The following MEPE variants were observed in gnomAD, a reference collection of about 807,000 sequenced individuals.
MEPE encodes the protein matrix, extracellular phosphoglycoprotein with ASARM motif (bone).
MEPE carries 7 observed loss-of-function variants against 7.3 expected under a neutral mutation model. The observed-to-expected ratio is 0.95, with a 90% CI of 0.54 to 1.79. MEPE has a LOEUF of 1.79. Among genes scored for constraint, MEPE ranks in the 40% most tolerant of loss-of-function variants. The pLI is 0.00. For missense variants in MEPE, 623 were observed against 628.2 expected (o/e 0.99, Z 0.09); for synonymous variants, 214 against 213.1 (o/e 1.00, Z -0.04).
upstream of MEPE, among the ~76,000 whole-genome samples, chr4:87,828,945 G>A (rs778201866): frequency 2.1e-4 from 32 of 152,068 alleles, no homozygotes; most frequent in Non-Finnish European, 3.1e-4. Flanking sequence ...AATAGAGATG[G>A]TGTGAAGATA....
rs144470334 is a variant in MEPE, at chr4:87,845,980, A to G, written c.1112A>G (p.Glu371Gly). 7.9e-5 allele frequency: 128 copies of G among 1,614,024 alleles called. No homozygotes were observed. Among genetic ancestry groups the G allele is most frequent in the Non-Finnish European group, 3.5e-5 (41 of 1,179,980 alleles). ...CAAAATGCTCACCAAGGGAAGGTTGAGTTTCATTACCCTCCTGCACCCTCA... is the reference window on the plus strand; with the variant it reads ...CAAAATGCTCACCAAGGGAAGGTTGGGTTTCATTACCCTCCTGCACCCTCA... The part of the protein sequence containing the change: ...GSQNAHQGKV[E>G]FHYPPAPSKE... Residue 371 changes from glutamate (E) to glycine (G), a missense_variant, in exon 4 of 4, where the codon GAG (glutamate) becomes GGG (glycine). Transcript: ENST00000361056.
Position 87,846,592 on chromosome 4 carries a change from G to A in MEPE, c.*146G>A, listed in dbSNP as rs947590658. On this transcript the variant is annotated 3_prime_UTR_variant, in exon 4 of 4. Transcript: ENST00000361056. ...GCCAAGAATCCTGGTCTCCTTGGGG[G>A]AATTTTTGCTATCTTAATAGTCACA... The A allele has an allele frequency of 7.0e-6, 6 of 852,148 alleles. No individual in the cohort carries two copies. The highest frequency in any genetic ancestry group is 5.1e-5 in the African/African-American group (3 of 58,992). The allele number at this position is 852,148 out of a possible 1,614,324, so 52.8% of individuals were successfully genotyped here. A position where few individuals can be genotyped will look rare whatever the true frequency, so the allele number is the denominator to read the frequency against.
chr4:87,846,635 A>C lies in MEPE; in HGVS notation c.*189A>C. On this transcript the variant is annotated 3_prime_UTR_variant, in exon 4 of 4. Coordinates refer to ENST00000361056, the MANE Select transcript of MEPE (RefSeq NM_020203.6). The stretch of plus-strand genomic sequence containing the variant: ...TAGTCACAGTATAAAATTCTATTAA[A>C]GGCTATAATGTTTTTAAGCAAAAAA... 1.8e-6 allele frequency: 1 copy of C among 561,264 alleles called. No homozygotes were observed. The allele number at this position is 561,264 out of a possible 1,614,324, so 34.8% of individuals were successfully genotyped here.
At chr4:87,837,570 A>C (rs1267148861) in intron 2 of MEPE, 1 of 152,272 alleles carries the variant, frequency 6.6e-6, no homozygotes, top group Non-Finnish European at 1.5e-5. Flanking sequence ...AACACTTTCC[A>C]GGTAAATAGG....
upstream of MEPE, among the ~76,000 whole-genome samples, chr4:87,831,189 G>C (rs1489727428): frequency 1.3e-5 from 2 of 152,034 alleles, no homozygotes; most frequent in African/African-American, 4.8e-5. Flanking sequence ...TAGCCAGTTT[G>C]GGCAAAACAA....
At chr4:87,835,751 A>G (rs1318125708) in intron 2 of MEPE, among the ~76,000 whole-genome samples, 2 of 152,066 alleles carry the variant, frequency 1.3e-5, no homozygotes, top group African/African-American at 4.8e-5. Context: ...ACCTCACTCA[A>G]TCAAGGCCTA....
intron 3 of MEPE, among the ~76,000 whole-genome samples, chr4:87,840,937 C>G (rs1021413740): frequency 1.3e-5 from 2 of 152,192 alleles, no homozygotes; most frequent in African/African-American, 4.8e-5. Context: ...AACCATCGAA[C>G]AGTCAGAAAT....
intron 2 of MEPE, 152 bp from the exon 3 acceptor site, chr4:87,838,480 C>T (rs922725022): frequency 1.1e-5 from 7 of 652,250 alleles, no homozygotes; most frequent in African/African-American, 1.8e-5. Flanking sequence ...TATATTAATG[C>T]GATGAGTGTG....
At chr4:87,840,916 A>G (rs115366182) in intron 3 of MEPE, among the ~76,000 whole-genome samples, 302 of 152,354 alleles carry the variant, frequency 2.0e-3, no homozygotes, top group African/African-American at 6.6e-3. Context: ...CAGCCAGCCA[A>G]CTGGTACATA....
chr4:87,835,734 T>A (rs972699869), intron 2 of MEPE, among the ~76,000 whole-genome samples: 1 of 152,072 alleles, frequency 6.6e-6, no homozygotes, highest in Admixed American at 6.5e-5. Context: ...CGAGACCCCA[T>A]GCACAGACCT....
At chr4:87,844,701 T>G (rs547051037) in intron 3 of MEPE, among the ~76,000 whole-genome samples, 2 of 152,290 alleles carry the variant, frequency 1.3e-5, no homozygotes, top group East Asian at 3.9e-4. Flanking sequence ...GTGTCCTGTT[T>G]CCAAACAATT....
rs1344692633 is a variant in MEPE, at chr4:87,845,218, A to C, written c.350A>C (p.Tyr117Ser). The change falls in exon 4 of 4, where the codon TAT becomes TCT. Residue 117 changes from tyrosine (Y) to serine (S), a missense_variant. Physicochemically the swap from Tyr to Ser is moderately radical, Grantham distance 144. Transcript: ENST00000361056. ...CACAATGGCCTGAGGATGTCAATTTATCCTAAGTCAACTGGGAATAAAGGG... is the reference window on the plus strand; with the variant it reads ...CACAATGGCCTGAGGATGTCAATTTCTCCTAAGTCAACTGGGAATAAAGGG... Reference protein sequence around the residue: ...NTHNGLRMSIYPKSTGNKGFE... With the variant: ...NTHNGLRMSISPKSTGNKGFE... 1 of 1,613,920 alleles carries C rather than the reference A, an allele frequency of 6.2e-7. No homozygotes were observed. The highest frequency in any genetic ancestry group is 8.5e-7 in the Non-Finnish European group (1 of 1,179,952).
At chr4:87,822,375 C>A (rs1473010348) in intron 1 of MEPE, among the ~76,000 whole-genome samples, 1 of 152,106 alleles carries the variant, frequency 6.6e-6, no homozygotes. Context: ...CCAGGACTTT[C>A]CCACTCACAA....
intron 3 of MEPE, chr4:87,839,953 C>T: frequency 6.5e-7 from 1 of 1,535,652 alleles, no homozygotes; most frequent in Non-Finnish European, 8.7e-7. Flanking sequence ...TACTACAAAA[C>T]TCTGGGTCCC....
At chr4:87,829,882 T>TTTG (rs1553915046), upstream of MEPE, among the ~76,000 whole-genome samples, 1,169 of 142,776 alleles carry the variant, frequency 8.2e-3, 13 homozygotes, top group Middle Eastern at 0.036. Context: ...TTTTTTTTTT[T>TTTG]GGACTTTGCT....
chr4:87,827,404 G>C (rs1463113), intron 1 of MEPE, among the ~76,000 whole-genome samples: 1 of 151,832 alleles, frequency 6.6e-6, no homozygotes, highest in Non-Finnish European at 1.5e-5. Flanking sequence ...GATAAACATG[G>C]AATTAAAAAT....
upstream of MEPE, among the ~76,000 whole-genome samples, chr4:87,830,035 A>C (rs1722562852): frequency 6.6e-6 from 1 of 152,154 alleles, no homozygotes; most frequent in African/African-American, 2.4e-5. Context: ...GTTTGCCTCC[A>C]AAGCTACTAG....
At position 87,846,457 on chromosome 4, in the gene MEPE, G is replaced by A. The variant is rs764664410; in HGVS notation, c.*11G>A. ...AGCGATGGTGACTAGTCCACCAGGA[G>A]TTCCCAGCGGGGTGACAGTCTGAAG... On this transcript the variant is annotated 3_prime_UTR_variant, in exon 4 of 4. Coordinates refer to ENST00000361056, the MANE Select transcript of MEPE (RefSeq NM_020203.6). 1.3e-5 allele frequency: 21 copies of A among 1,604,336 alleles called. No homozygotes were observed. The highest frequency in any genetic ancestry group is 1.2e-4 in the South Asian group (11 of 89,454).
intron 3 of MEPE, chr4:87,839,617 T>C (rs1722933982): frequency 8.9e-7 from 1 of 1,123,418 alleles, no homozygotes; most frequent in East Asian, 2.6e-5. Context: ...CTTATATTAT[T>C]ACAAAGAGCC....
Sources: allele counts gnomAD v4.1 joint callset (sites outside exome capture counted in the v4.1 genomes callset), GRCh38; gene constraint gnomAD v4.1.1; transcripts MANE v1.5; gene names NCBI Gene and HGNC (gene_info 2026-07-23, HGNC 2026-07-21).